Variants in TAF9 observed in about 807,000 individuals in gnomAD.
The protein encoded by TAF9 is transcription initiation factor TFIID subunit 9.
A neutral mutation model predicts 16.5 loss-of-function variants in TAF9; 10 were observed. The observed-to-expected ratio is 0.61, with a 90% CI of 0.37 to 1.03. The LOEUF (loss-of-function observed/expected upper bound fraction) is 1.03. Ranked by LOEUF, TAF9 falls within the 50% of genes least tolerant of loss-of-function variation. TAF9 has a pLI of 0.01. For synonymous variants in TAF9, 105 were observed against 120.5 expected, an observed-to-expected ratio of 0.87 and a Z score of 0.84; for missense variants, 288 against 319.1, an observed-to-expected ratio of 0.90 and a Z score of 0.74.
chr5:69,369,386 C>A, intron 1 of TAF9, 77 bp downstream of exon 1: 1 of 1,540,446 alleles, frequency 6.5e-7, no homozygotes. Context: ...GGGGCCCCCA[C>A]CTGGGCGCCC....
At chr5:69,367,284 G>A (rs991410449) in intron 1 of TAF9, among the ~76,000 whole-genome samples, 5 of 151,484 alleles carry the variant, frequency 3.3e-5, no homozygotes, top group African/African-American at 1.2e-4. Context: ...AGGCCGAGGC[G>A]GGCAGATCAC....
chr5:69,366,119 G>T (rs1762413018), intron 2 of TAF9, among the ~76,000 whole-genome samples: 1 of 152,172 alleles, frequency 6.6e-6, no homozygotes, highest in Non-Finnish European at 1.5e-5. Flanking sequence ...TCCCACACCT[G>T]AGCTCAAAAC....
In TAF9 at chr5:69,364,964, A is replaced by G. The variant is rs1261367801; in HGVS notation, c.774T>C (p.Asp258=). The G allele has an allele frequency of 1.2e-6, 2 of 1,612,086 alleles. No individual in the cohort carries two copies. The highest frequency in any genetic ancestry group is 1.7e-6 in the Non-Finnish European group (2 of 1,179,266). Residue 258 remains aspartate (D), a synonymous_variant, in exon 3 of 3, where the codon GAT becomes GAC. Coordinates refer to ENST00000217893, the MANE Select transcript of TAF9 (RefSeq NM_003187.5). ...TAGATTACAGATTATCATAGTCATC[A>G]TCATCATCATCGTCATCATCATCAT... is the stretch of plus-strand genomic sequence containing the variant. ...REDDDDDDDD[D]DDYDNL
At chr5:69,368,048 A>G (rs1395885416) in intron 1 of TAF9, 1 of 152,128 alleles carries the variant, frequency 6.6e-6, no homozygotes, top group East Asian at 1.9e-4. Context: ...TGTTAAAATT[A>G]AGCAGTCTGA....
Position 69,365,546 on chromosome 5 carries a change from A to G in TAF9, c.192T>C (p.Ala64=). Residue 64 remains alanine (A), a synonymous_variant, in exon 3 of 3, where the codon GCT becomes GCC. Transcript: ENST00000217893. ...ATCGCACATCATCTGCATCAACAGT[A>G]GCTTTCTTAGCATGGCTTGAATAAA... is the stretch of plus-strand genomic sequence containing the variant. The part of the protein sequence containing the change: ...AKIYSSHAKK[A]TVDADDVRLA... 6.2e-7 allele frequency: 1 copy of G among 1,613,962 alleles called. No homozygotes were observed. Among genetic ancestry groups the G allele is most frequent in the South Asian group, 1.1e-5 (1 of 91,046 alleles).
At chr5:69,369,593 G>T, upstream of TAF9, 1 of 1,595,586 alleles carries the variant, frequency 6.3e-7, no homozygotes, top group South Asian at 1.1e-5. Flanking sequence ...GGCCCCAAAG[G>T]CCCCGAAGCC....
rs916102941 is a variant in TAF9 at position 69,369,232 on chromosome 5, C to G, written c.-111+231G>C. 8 of 105,476 alleles carry G rather than the reference C, an allele frequency of 7.6e-5. No individual in the cohort carries two copies. In the South Asian group the frequency reaches 2.1e-3, roughly 28 times the overall value. The allele number at this position is 105,476 out of a possible 1,614,324, so 6.5% of individuals were successfully genotyped here. On this transcript the variant is annotated intron_variant, in intron 1 of 2. Coordinates refer to ENST00000217893, the MANE Select transcript of TAF9 (RefSeq NM_003187.5). The stretch of plus-strand genomic sequence containing the variant: ...GATCTGCCGACCTCTCTCCACCCCC[C>G]CCCGCCCCCCCCCGGAGCCTCAGGC...
rs1762348417 is a variant in TAF9 at position 69,364,900 on chromosome 5, G to T, written c.*43C>A. On this transcript the variant is annotated 3_prime_UTR_variant, in exon 3 of 3. Transcript: ENST00000217893. ...CATGCATGTTTAATATCAGTACAAT[G>T]AATTCAAGACCAAGTATACATGTTA... 3 of 1,536,770 alleles carry T rather than the reference G, an allele frequency of 2.0e-6. No individual in the cohort carries two copies. Among genetic ancestry groups the T allele is most frequent in the Non-Finnish European group, 1.8e-6 (2 of 1,134,982 alleles).
At chr5:69,367,438 A>G (rs1762486464) in intron 1 of TAF9, among the ~76,000 whole-genome samples, 1 of 144,136 alleles carries the variant, frequency 6.9e-6, no homozygotes, top group Non-Finnish European at 1.5e-5. Flanking sequence ...TGAACCAGGT[A>G]GTTGTAGGAT....
intron 1 of TAF9, 138 bp downstream of exon 1, chr5:69,369,325 G>C: frequency 1.2e-6 from 1 of 823,652 alleles, no homozygotes; most frequent in East Asian, 4.1e-5. Context: ...GGCTCCCGGG[G>C]CGCTGACAAC....
rs1762392003 is a variant in TAF9 at position 69,365,732 on chromosome 5, C to G, written c.6G>C (p.Glu2Asp). ...TCTTGGGAGAAGCCGTCTTGCCAGA[C>G]TCCATGATATCCGATGATCAGACTT... Reference protein sequence around the residue: MESGKTASPKSM... With the variant: MDSGKTASPKSM... Residue 2 changes from glutamate (E) to aspartate (D), a missense_variant, in exon 3 of 3, where the codon GAG (glutamate) becomes GAC (aspartate). Transcript: ENST00000217893. The G allele has an allele frequency of 1.3e-6, 2 of 1,541,604 alleles. No homozygotes were observed. Among genetic ancestry groups the G allele is most frequent in the Non-Finnish European group, 1.7e-6 (2 of 1,144,852 alleles).
upstream of TAF9, chr5:69,369,755 C>T (rs1471843952): frequency 6.6e-7 from 1 of 1,510,512 alleles, no homozygotes; most frequent in African/African-American, 1.4e-5. Context: ...CTAAGTCACA[C>T]ACTCCTTCGG....
rs4252219 is a variant in TAF9, at chr5:69,368,951, C to A, written c.-111+512G>T. On this transcript the variant is annotated intron_variant, in intron 1 of 2. Coordinates refer to ENST00000217893, the MANE Select transcript of TAF9 (RefSeq NM_003187.5). Reference sequence around the variant, plus strand: ...ACAAAAGCATACAGCAATTTCGTCACGTCACAAACATCTGAACTCGTTTAC... The same window carrying A: ...ACAAAAGCATACAGCAATTTCGTCAAGTCACAAACATCTGAACTCGTTTAC... 5.1e-3 allele frequency: 794 copies of A among 156,088 alleles called. 4 individuals are homozygous for A. Among genetic ancestry groups the A allele is most frequent in the Non-Finnish European group, 7.9e-3 (557 of 70,696 alleles). 9.7% of individuals were successfully genotyped at this position (156,088 alleles called of 1,614,324 possible). A position where few individuals can be genotyped will look rare whatever the true frequency, so the allele number is the denominator to read the frequency against.
At position 69,364,965 on chromosome 5, in the gene TAF9, T is replaced by C. The variant is rs1403711392; in HGVS notation, c.773A>G (p.Asp258Gly). 6.2e-7 allele frequency: 1 copy of C among 1,612,376 alleles called. No individual in the cohort carries two copies. ...REDDDDDDDD[D>G]DDYDNL ...AGATTACAGATTATCATAGTCATCA[T>C]CATCATCATCGTCATCATCATCATC... The change falls in exon 3 of 3, where the codon GAT (aspartate) becomes GGT (glycine). Residue 258 changes from aspartate (D) to glycine (G), a missense_variant. By Grantham distance (94) the Asp-to-Gly change is moderately conservative (BLOSUM62 -1). Transcript: ENST00000217893.
intron 2 of TAF9, 27 bp downstream of exon 2, chr5:69,366,473 AAAC>A (rs1762430670): frequency 6.3e-7 from 1 of 1,588,758 alleles, no homozygotes; most frequent in African/African-American, 1.3e-5. Context: ...AAAAAAAACA[AAAC>A]AAATCTAACA....
chr5:69,367,171 C>T (rs1019021019), intron 1 of TAF9, among the ~76,000 whole-genome samples: 2 of 152,066 alleles, frequency 1.3e-5, no homozygotes, highest in African/African-American at 2.4e-5. Context: ...CAGATTCTGA[C>T]GCCAATTCAA....
intron 1 of TAF9, 25 bp from the exon 2 acceptor site, chr5:69,366,620 A>G: frequency 1.3e-6 from 2 of 1,540,124 alleles, no homozygotes; most frequent in Non-Finnish European, 1.8e-6. Context: ...ACAGAAAAAT[A>G]CTGTTTGTGA....
In TAF9 at chr5:69,365,711, G is replaced by T. The variant is rs1368771839; in HGVS notation, c.27C>A (p.Pro9=). The change falls in exon 3 of 3, where the codon CCC becomes CCA. Residue 9 remains proline, a synonymous_variant. Transcript: ENST00000217893. MESGKTAS[P]KSMPKDAQMM... is the part of the protein sequence containing the mutation. ...TCTGTGCATCTTTCGGCATGCTCTT[G>T]GGAGAAGCCGTCTTGCCAGACTCCA... 1 of 1,566,326 alleles carries T rather than the reference G, an allele frequency of 6.4e-7. No individual in the cohort carries two copies. Among genetic ancestry groups the T allele is most frequent in the Non-Finnish European group, 8.7e-7 (1 of 1,155,388 alleles).
chr5:69,366,271 C>T (rs781436979), intron 2 of TAF9, among the ~76,000 whole-genome samples: 1 of 152,170 alleles, frequency 6.6e-6, no homozygotes, highest in Non-Finnish European at 1.5e-5. Flanking sequence ...TAGGAGCCTT[C>T]CCAACTATTC....
Sources: gnomAD v4.1 joint callset for allele counts (sites outside exome capture counted in the v4.1 genomes callset) on GRCh38, gnomAD v4.1.1 for gene constraint, MANE v1.5 for transcripts, NCBI Gene and HGNC (gene_info 2026-07-23, HGNC 2026-07-21) for gene names.